Variants in FH observed in about 807,000 individuals in gnomAD.
The protein encoded by FH is fumarate hydratase, mitochondrial.
A neutral mutation model predicts 49.4 loss-of-function variants in FH; 22 were observed. That is an observed-to-expected ratio of 0.45 (90% CI 0.32 to 0.64). The LOEUF (loss-of-function observed/expected upper bound fraction) is 0.64. Ranked by LOEUF, FH falls within the 30% of genes least tolerant of loss-of-function variation. The pLI is 0.05. For synonymous variants in FH, 208 were observed against 223.0 expected (o/e 0.93, Z 0.60); for missense variants, 526 against 641.5 (o/e 0.82, Z 1.95).
At chr1:241,508,394 T>C (rs1000589147) in intron 5 of FH, among the ~76,000 whole-genome samples, 2 of 152,188 alleles carry the variant, frequency 1.3e-5, no homozygotes, top group Non-Finnish European at 2.9e-5. Context: ...ACCCGAGCAG[T>C]CTGACTGAAT....
At position 241,504,029 on chromosome 1, in the gene FH, G is replaced by A. The variant is rs576072868; in HGVS notation, c.1108+13C>T. The A allele has an allele frequency of 6.2e-7, 1 of 1,611,100 alleles. No individual in the cohort carries two copies. Among genetic ancestry groups the A allele is most frequent in the African/African-American group, 1.3e-5 (1 of 75,016 alleles). ...CAAGTTTTAGCTCCAACATTTACTA[G>A]CTATGTGATTACCTGGCATGATACT... On this transcript the variant is annotated intron_variant, in intron 7 of 9. Coordinates refer to ENST00000366560, the MANE Select transcript of FH (RefSeq NM_000143.4).
intron 4 of FH, 115 bp from the exon 5 acceptor site, chr1:241,508,900 C>T: frequency 2.5e-6 from 2 of 811,008 alleles, no homozygotes; most frequent in Non-Finnish European, 3.9e-6. Context: ...CAAAACCCAG[C>T]TCAGTTACAT....
chr1:241,510,749 G>C (rs1660062688), intron 4 of FH, among the ~76,000 whole-genome samples: 1 of 152,118 alleles, frequency 6.6e-6, no homozygotes, highest in Non-Finnish European at 1.5e-5. Context: ...AAAACTTTTT[G>C]ATACTCCTCC....
Position 241,510,613 on chromosome 1 carries a change from T to C in FH, c.555+1354A>G, listed in dbSNP as rs532064983. Among the ~76,000 whole-genome samples the C allele has an allele frequency of 1.8e-4, 27 of 152,268 alleles. No individual in the cohort carries two copies. In the South Asian group the frequency reaches 5.6e-3, roughly 32 times the overall value. ...ACTATTAAAACACCATGGAAGTAAT[T>C]GCTGTAGATAAGATTCCCTGATGAA... On this transcript the variant is annotated intron_variant, in intron 4 of 9. Coordinates refer to ENST00000366560, the MANE Select transcript of FH (RefSeq NM_000143.4).
At chr1:241,511,525 T>C (rs964117977) in intron 4 of FH, among the ~76,000 whole-genome samples, 1 of 150,992 alleles carries the variant, frequency 6.6e-6, no homozygotes, top group South Asian at 2.1e-4. Flanking sequence ...AGAACATGAG[T>C]GGAAAAACTG....
At chr1:241,500,636 A>AGAGAGAGAGG (rs775301109) in intron 8 of FH, 46 bp from the exon 9 acceptor site, 17 of 1,606,274 alleles carry the variant, frequency 1.1e-5, no homozygotes, top group Non-Finnish European at 8.5e-7. Context: ...AGAGAGAGAG[A>AGAGAGAGAGG]GAGACATTAC....
chr1:241,509,461 G>T (rs904390358), intron 4 of FH, among the ~76,000 whole-genome samples: 3 of 152,160 alleles, frequency 2.0e-5, no homozygotes, highest in Non-Finnish European at 4.4e-5. Context: ...TTCCTCAACT[G>T]TTGACCCTGT....
intron 9 of FH, among the ~76,000 whole-genome samples, chr1:241,498,721 ATATATATATATATATATATATG>A (rs1558395756): frequency 1.0e-5 from 1 of 99,494 alleles, no homozygotes; most frequent in Non-Finnish European, 2.0e-5. Context: ...ATATATATAT[ATATATATATATATATATATATG>A]TCAAGAAGAA....
At position 241,497,751 on chromosome 1, in the gene FH, C is replaced by T. The variant is rs1659657755; in HGVS notation, c.*77G>A. On this transcript the variant is annotated 3_prime_UTR_variant, in exon 10 of 10. Transcript: ENST00000366560. Reference sequence around the variant, plus strand: ...AGTTCAATAGCAGTTTCCTTTCAAACTTATCCGTTTTTAAGAAATGGGAGT... The same window carrying T: ...AGTTCAATAGCAGTTTCCTTTCAAATTTATCCGTTTTTAAGAAATGGGAGT... 2 of 1,370,754 alleles carry T rather than the reference C, an allele frequency of 1.5e-6. No homozygotes were observed. The highest frequency in any genetic ancestry group is 1.0e-6 in the Non-Finnish European group (1 of 993,958). The allele number at this position is 1,370,754 out of a possible 1,614,324, so 84.9% of individuals were successfully genotyped here.
At chr1:241,501,457 G>A (rs1177415366) in intron 8 of FH, among the ~76,000 whole-genome samples, 1 of 152,062 alleles carries the variant, frequency 6.6e-6, no homozygotes, top group Non-Finnish European at 1.5e-5. Flanking sequence ...TCTGACCTGA[G>A]AGCAAAATTT....
At chr1:241,516,637 C>A (rs1048365902) in intron 2 of FH, among the ~76,000 whole-genome samples, 3 of 148,958 alleles carry the variant, frequency 2.0e-5, no homozygotes. Context: ...CATGTGTATC[C>A]CGGAACTTAA....
At chr1:241,500,351 C>A (rs1407086219) in intron 9 of FH, 86 bp downstream of exon 9, 2 of 1,353,150 alleles carry the variant, frequency 1.5e-6, no homozygotes, top group Non-Finnish European at 2.1e-6. Flanking sequence ...TTGCTGTTCT[C>A]AAACACTGAT....
chr1:241,504,312 A>G, intron 6 of FH, 67 bp from the exon 7 acceptor site: 1 of 1,445,946 alleles, frequency 6.9e-7, no homozygotes, highest in South Asian at 1.2e-5. Flanking sequence ...ACCATTAGCA[A>G]GTGAAACAGA....
intron 9 of FH, 51 bp downstream of exon 9, chr1:241,500,386 A>C (rs1191493601): frequency 5.7e-6 from 9 of 1,575,596 alleles, no homozygotes; most frequent in Non-Finnish European, 7.8e-6. Context: ...AAAATGGTTT[A>C]GCTTTTTAAT....
chr1:241,502,665 T>C, intron 7 of FH, 95 bp from the exon 8 acceptor site: 1 of 1,430,326 alleles, frequency 7.0e-7, no homozygotes, highest in South Asian at 1.2e-5. Flanking sequence ...GAGTAAGATA[T>C]ACAATAAAGC....
At position 241,509,960 on chromosome 1, in the gene FH, T is replaced by C. The variant is rs530168308; in HGVS notation, c.556-1175A>G. Reference sequence around the variant, plus strand: ...GGATGAATGGTATAATAAACACTTATGTACCTGTCACCTGAATTCAAATAG... The same window carrying C: ...GGATGAATGGTATAATAAACACTTACGTACCTGTCACCTGAATTCAAATAG... On this transcript the variant is annotated intron_variant, in intron 4 of 9. Transcript: ENST00000366560. 5.9e-5 allele frequency among the ~76,000 whole-genome samples: 9 copies of C among 152,342 alleles called. No homozygotes were observed. In the South Asian group the frequency reaches 1.7e-3, roughly 28 times the overall value.
intron 9 of FH, 34 bp downstream of exon 9, chr1:241,500,403 T>C (rs992214177): frequency 2.5e-6 from 4 of 1,607,420 alleles, no homozygotes; most frequent in Admixed American, 1.7e-5. Flanking sequence ...TAATTTTGCA[T>C]TCAAAATGAT....
intron 2 of FH, among the ~76,000 whole-genome samples, chr1:241,515,904 A>T (rs1660199153): frequency 6.6e-6 from 1 of 152,184 alleles, no homozygotes; most frequent in Non-Finnish European, 1.5e-5. Flanking sequence ...TGGCATCTTA[A>T]ATTTAATTGA....
intron 6 of FH, among the ~76,000 whole-genome samples, chr1:241,505,275 G>A (rs889449622): frequency 1.3e-5 from 2 of 151,930 alleles, no homozygotes; most frequent in South Asian, 2.1e-4. Context: ...CCCTAGCCAG[G>A]AGCCCACAAG....
Sources: allele counts gnomAD v4.1 joint callset (sites outside exome capture counted in the v4.1 genomes callset), GRCh38; gene constraint gnomAD v4.1.1; transcripts MANE v1.5; gene names NCBI Gene and HGNC (gene_info 2026-07-23, HGNC 2026-07-21).